ZNF221: variants seen among roughly 807,000 people sequenced by gnomAD.
The protein encoded by ZNF221 is zinc finger protein 221.
In ZNF221, 10 loss-of-function variants were observed where a neutral mutation model predicts 12.6. That is an observed-to-expected ratio of 0.79 (90% CI 0.49 to 1.34). The LOEUF is 1.34. Ranked by LOEUF, ZNF221 falls within the 40% of genes most tolerant of loss-of-function variation. ZNF221 has a pLI of 0.00. For missense variants in ZNF221, 661 were observed against 721.4 expected (o/e 0.92, Z 0.96); for synonymous variants, 232 against 244.0 (o/e 0.95, Z 0.46).
At chr19:43,977,961 T>G in the ZNF221 span, among the ~76,000 whole-genome samples, 1 of 152,122 alleles carries the variant, frequency 6.6e-6, no homozygotes, top group Admixed American at 6.6e-5. Flanking sequence ...TAAAGGGAAA[T>G]GGCTCATGGG....
At chr19:43,965,432 T>C (rs1220564727) in intron 4 of ZNF221, 107 bp downstream of exon 4, 14 of 901,952 alleles carry the variant, frequency 1.6e-5, no homozygotes, top group Non-Finnish European at 2.1e-5. Flanking sequence ...ACTTCTTTCA[T>C]AACTTATTGC....
chr19:43,967,032 G>A lies in ZNF221; in HGVS notation c.1530G>A (p.Glu510=). 1 of 1,597,718 alleles carries A rather than the reference G, an allele frequency of 6.3e-7. No homozygotes were observed. The highest frequency in any genetic ancestry group is 8.6e-7 in the Non-Finnish European group (1 of 1,169,544). ...HSGEKPFKCE[E]CGKRFTQSSQ... ...GGGAAAAACCTTTCAAATGTGAAGA[G>A]TGTGGAAAGAGATTTACTCAGAGTT... Residue 510 remains glutamate (E), a synonymous_variant, in exon 5 of 5, where the codon GAG becomes GAA. Coordinates refer to ENST00000587682, the MANE Select transcript of ZNF221 (RefSeq NM_001297588.2).
chr19:43,958,133 G>A (rs1219075122), intron 1 of ZNF221, among the ~76,000 whole-genome samples: 1 of 152,138 alleles, frequency 6.6e-6, no homozygotes, highest in Non-Finnish European at 1.5e-5. Flanking sequence ...AAATGCAGCT[G>A]GTTTTACAAT....
the ZNF221 span, among the ~76,000 whole-genome samples, chr19:43,979,435 A>ATG: frequency 6.6e-6 from 1 of 151,460 alleles, no homozygotes; most frequent in South Asian, 2.1e-4. Context: ...ATATATATAT[A>ATG]TATATATATG....
Position 43,966,301 on chromosome 19 carries a change from T to A in ZNF221, c.799T>A (p.Ser267Thr), listed in dbSNP as rs2147345106. The change falls in exon 5 of 5, where the codon TCA becomes ACA. Residue 267 changes from serine (S) to threonine (T), a missense_variant. Ser to Thr is a moderately conservative substitution (Grantham distance 58). Transcript: ENST00000587682. ...GQCGKGFHSR[S>T]ALNVHCKLHT... ...ATGTGGGAAAGGCTTCCATAGTAGA[T>A]CAGCACTTAATGTTCATTGCAAATT... 6.2e-7 allele frequency: 1 copy of A among 1,613,328 alleles called. No individual in the cohort carries two copies. The highest frequency in any genetic ancestry group is 2.2e-5 in the East Asian group (1 of 44,860).
rs561165577 is a variant in ZNF221 at position 43,965,013 on chromosome 19, C to A, written c.145C>A (p.Pro49Thr). 158 of 1,614,060 alleles carry A rather than the reference C, an allele frequency of 9.8e-5. 2 individuals carry two copies. In the South Asian group the frequency reaches 1.6e-3, roughly 17 times the overall value. ...FTEEELGLLD[P>T]AQRKLYRDVM... Reference sequence around the variant, plus strand: ...TGAGGAGGAGCTGGGGCTGCTGGACCCTGCCCAGAGGAAGCTGTACCGAGA... The same window carrying A: ...TGAGGAGGAGCTGGGGCTGCTGGACACTGCCCAGAGGAAGCTGTACCGAGA... Residue 49 changes from proline to threonine, a missense_variant, in exon 3 of 5, where the codon CCT becomes ACT. By Grantham distance (38) the Pro-to-Thr change is conservative (BLOSUM62 -1). Coordinates refer to ENST00000587682, the MANE Select transcript of ZNF221 (RefSeq NM_001297588.2).
the ZNF221 span, among the ~76,000 whole-genome samples, chr19:43,976,522 G>A: frequency 6.6e-6 from 1 of 152,134 alleles, no homozygotes; most frequent in Non-Finnish European, 1.5e-5. Flanking sequence ...GGGCAACAGA[G>A]CGAGACTTCA....
Position 43,966,458 on chromosome 19 carries a change from T to G in ZNF221, c.956T>G (p.Phe319Cys). The G allele has an allele frequency of 6.2e-7, 1 of 1,614,158 alleles. No homozygotes were observed. Among genetic ancestry groups the G allele is most frequent in the Non-Finnish European group, 8.5e-7 (1 of 1,180,028 alleles). The change falls in exon 5 of 5, where the codon TTC becomes TGC. Residue 319 changes from phenylalanine (F) to cysteine (C), a missense_variant. Coordinates refer to ENST00000587682, the MANE Select transcript of ZNF221 (RefSeq NM_001297588.2). ...AAATGTGATATATGTGGTAAGAGCT[T>G]CCGTGTTAGATCAAGACTTAATAGG... is the stretch of plus-strand genomic sequence containing the variant. ...PFKCDICGKSFRVRSRLNRHS... is the reference protein window; with the variant it reads ...PFKCDICGKSCRVRSRLNRHS...
rs149734602 is a variant in ZNF221 at position 43,965,061 on chromosome 19, A to G, written c.193A>G (p.Asn65Asp). The change falls in exon 3 of 5, where the codon AAC becomes GAC. Residue 65 changes from asparagine (N) to aspartate (D), a missense_variant. Coordinates refer to ENST00000587682, the MANE Select transcript of ZNF221 (RefSeq NM_001297588.2). ...AGATGTGATGCTAGAGAACTTCAGG[A>G]ACCTGCTCTCAGTAGGTGAGGACAG... is the stretch of plus-strand genomic sequence containing the variant. ...YRDVMLENFR[N>D]LLSVGNQPFH... 5.2e-4 allele frequency: 833 copies of G among 1,614,168 alleles called. 9 individuals are homozygous for G. The African/African-American group carries it at 9.9e-3, about 19-fold the overall frequency.
rs368188890 is a variant in ZNF221 at position 43,962,815 on chromosome 19, G to A, written c.81+8G>A. 3.1e-6 allele frequency: 5 copies of A among 1,610,982 alleles called. No individual in the cohort carries two copies. Among genetic ancestry groups the A allele is most frequent in the Non-Finnish European group, 4.2e-6 (5 of 1,177,906 alleles). Reference sequence around the variant, plus strand: ...AAAATGACCACATTCAAAGTGAGTAGGGCTTGCCTCTCTTGCTGTTAAAAT... The same window carrying A: ...AAAATGACCACATTCAAAGTGAGTAAGGCTTGCCTCTCTTGCTGTTAAAAT... On this transcript the variant is annotated splice_region_variant and intron_variant, in intron 2 of 4. Transcript: ENST00000587682.
chr19:43,973,549 C>T, the ZNF221 span, among the ~76,000 whole-genome samples: 1 of 152,214 alleles, frequency 6.6e-6, no homozygotes, highest in African/African-American at 2.4e-5. Flanking sequence ...GCAACTTCAG[C>T]AATGTCTCAG....
the ZNF221 span, among the ~76,000 whole-genome samples, chr19:43,981,474 A>G: frequency 1.3e-5 from 2 of 152,238 alleles, no homozygotes; most frequent in African/African-American, 2.4e-5. Context: ...ATACAAATGT[A>G]CAAGTGTATT....
the ZNF221 span, among the ~76,000 whole-genome samples, chr19:43,975,331 T>C: frequency 6.6e-6 from 1 of 152,026 alleles, no homozygotes; most frequent in African/African-American, 2.4e-5. Context: ...ATAAAGAAAA[T>C]GTCATACATA....
At chr19:43,973,747 A>G in the ZNF221 span, among the ~76,000 whole-genome samples, 2 of 152,240 alleles carry the variant, frequency 1.3e-5, no homozygotes, top group Admixed American at 1.3e-4. Context: ...CAAAGAAATC[A>G]GAGAGGACAC....
intron 1 of ZNF221, among the ~76,000 whole-genome samples, chr19:43,953,069 C>G (rs999533364): frequency 1.3e-5 from 2 of 152,014 alleles, no homozygotes. Flanking sequence ...CGGGTTCAAG[C>G]GATTTTCCTC....
the ZNF221 span, among the ~76,000 whole-genome samples, chr19:43,980,845 A>G: frequency 6.6e-6 from 1 of 152,220 alleles, no homozygotes; most frequent in African/African-American, 2.4e-5. Flanking sequence ...ATTTTGACTC[A>G]TCCAAGATAA....
chr19:43,965,207 TTAA>T, intron 3 of ZNF221, 23 bp from the exon 4 acceptor site: 1 of 1,601,572 alleles, frequency 6.2e-7, no homozygotes, highest in African/African-American at 1.3e-5. Flanking sequence ...TGGGTTGGAA[TTAA>T]GCATGTCACT....
chr19:43,962,951 G>T, intron 2 of ZNF221, 144 bp downstream of exon 2: 1 of 683,652 alleles, frequency 1.5e-6, no homozygotes, highest in South Asian at 2.3e-5. Flanking sequence ...TGCTGCTTTT[G>T]AATTGACTTT....
intron 1 of ZNF221, among the ~76,000 whole-genome samples, chr19:43,953,152 T>C (rs1974701118): frequency 6.6e-6 from 1 of 151,950 alleles, no homozygotes; most frequent in African/African-American, 2.4e-5. Context: ...GTTTTCACCG[T>C]GTTGGCCAGG....
Sources: allele counts gnomAD v4.1 joint callset (sites outside exome capture counted in the v4.1 genomes callset), GRCh38; gene constraint gnomAD v4.1.1; transcripts MANE v1.5; gene names NCBI Gene and HGNC (gene_info 2026-07-23, HGNC 2026-07-21).